The following SYNE2 variants were observed in gnomAD, a reference collection of about 807,000 sequenced individuals.
The protein encoded by SYNE2 is spectrin repeat containing nuclear envelope protein 2.
A neutral mutation model predicts 856.3 loss-of-function variants in SYNE2; 431 were observed. That is an observed-to-expected ratio of 0.50 (90% CI 0.47 to 0.55). The LOEUF is 0.55. Among genes scored for constraint, SYNE2 ranks in the 20% least tolerant of loss-of-function variants. The probability of loss-of-function intolerance (pLI) is 0.00; values close to 1 mark genes in which losing one functional copy is unlikely to be tolerated. For synonymous variants in SYNE2, 2,923 were observed against 2,872.3 expected (o/e 1.02, Z -0.56); for missense variants, 8,129 against 8,023.2 (o/e 1.01, Z -0.50).
At chr14:64,078,317 T>TC in intron 54 of SYNE2, 149 bp from the exon 55 acceptor site, 1 of 772,404 alleles carries the variant, frequency 1.3e-6, no homozygotes, top group South Asian at 1.6e-5. Flanking sequence ...ATCCACCTTC[T>TC]CATTAATGCA....
chr14:64,099,435 A>T (rs527613566), intron 63 of SYNE2: 14 of 170,606 alleles, frequency 8.2e-5, no homozygotes, highest in African/African-American at 3.1e-4. Context: ...ATAGATGGTT[A>T]AATAGCTCCA....
chr14:64,091,646 T>TGTG (rs1257882697), intron 60 of SYNE2, among the ~76,000 whole-genome samples: 15 of 152,290 alleles, frequency 9.8e-5, no homozygotes, highest in South Asian at 8.3e-4. Context: ...GGTTTTGTGT[T>TGTG]GTGGTGGCGG....
intron 99 of SYNE2, chr14:64,190,676 C>G (rs1210934788): frequency 2.2e-5 from 15 of 696,368 alleles, no homozygotes; most frequent in Non-Finnish European, 3.9e-5. Context: ...TACTTGCACT[C>G]AAGGCAGGGG....
intron 34 of SYNE2, among the ~76,000 whole-genome samples, 191 bp from the exon 35 acceptor site, chr14:64,019,801 C>T (rs2096923077): frequency 6.6e-6 from 1 of 152,172 alleles, no homozygotes; most frequent in Admixed American, 6.5e-5. Context: ...TAGAAAGACG[C>T]TTGGTTGTAG....
chr14:64,112,508 G>T (rs1384843341), intron 65 of SYNE2, among the ~76,000 whole-genome samples: 3 of 152,154 alleles, frequency 2.0e-5, no homozygotes, highest in African/African-American at 7.2e-5. Context: ...TTGCCTCCAG[G>T]TTGAACATAT....
rs558289943 is a variant in SYNE2 at position 64,047,563 on chromosome 14, G to C, written c.7222-437G>C. Among the ~76,000 whole-genome samples, 3 of 152,260 alleles carry C rather than the reference G, an allele frequency of 2.0e-5. No individual in the cohort carries two copies. In the South Asian group the frequency reaches 6.2e-4, roughly 32 times the overall value. On this transcript the variant is annotated intron_variant, in intron 45 of 115. Coordinates refer to ENST00000555002, the MANE Select transcript of SYNE2 (RefSeq NM_182914.3). ...CTTGCCCCTATCTGTCTAGGCATTTGGCTGCCTCCTGTTGCTATAATTAAT... is the reference window on the plus strand; with the variant it reads ...CTTGCCCCTATCTGTCTAGGCATTTCGCTGCCTCCTGTTGCTATAATTAAT...
chr14:64,116,861 A>G (rs1369933407), intron 66 of SYNE2, among the ~76,000 whole-genome samples: 1 of 152,238 alleles, frequency 6.6e-6, no homozygotes, highest in Non-Finnish European at 1.5e-5. Context: ...ATCAACTTGT[A>G]GCTGTTAAAA....
chr14:63,768,338 C>T (rs971195652), intron 1 of SYNE2, among the ~76,000 whole-genome samples: 5 of 152,112 alleles, frequency 3.3e-5, no homozygotes, highest in African/African-American at 2.4e-5. Context: ...CAGTAAAAAA[C>T]GTCAGTTAGC....
chr14:64,051,468 G>C (rs1290289035), intron 47 of SYNE2, 89 bp from the exon 48 acceptor site: 3 of 1,253,366 alleles, frequency 2.4e-6, no homozygotes, highest in Non-Finnish European at 3.3e-6. Context: ...ATTTAGAGCA[G>C]AATTAATTTC....
At chr14:63,940,070 A>ATTT (rs10666086) in intron 2 of SYNE2, among the ~76,000 whole-genome samples, 67,747 of 128,966 alleles carry the variant, frequency 0.53, 18,566 homozygotes, top group South Asian at 0.61. Flanking sequence ...GTCTCAGTTC[A>ATTT]TTTTTTTTTT....
chr14:63,950,147 A>G (rs531384309), intron 7 of SYNE2, 141 bp downstream of exon 7: 2 of 1,004,978 alleles, frequency 2.0e-6, no homozygotes, highest in South Asian at 2.7e-5. Context: ...CATACGTGGA[A>G]GCCCAAGAGC....
At chr14:63,803,484 C>T (rs1384626986) in intron 1 of SYNE2, among the ~76,000 whole-genome samples, 1 of 152,242 alleles carries the variant, frequency 6.6e-6, no homozygotes, top group African/African-American at 2.4e-5. Flanking sequence ...GGACCCAGTA[C>T]ACCCTCCGCA....
chr14:63,866,967 G>GA (rs201827931), intron 1 of SYNE2, among the ~76,000 whole-genome samples: 2,905 of 152,162 alleles, frequency 0.019, 40 homozygotes, highest in Middle Eastern at 0.034. Flanking sequence ...AACAAAAAAA[G>GA]AAAAAATTGT....
intron 2 of SYNE2, among the ~76,000 whole-genome samples, chr14:63,911,122 C>A (rs574496459): frequency 6.6e-6 from 1 of 152,254 alleles, no homozygotes; most frequent in East Asian, 1.9e-4. Context: ...GCACTCTGTG[C>A]TCCAACCCCA....
intron 1 of SYNE2, among the ~76,000 whole-genome samples, chr14:63,816,121 G>A (rs148329782): frequency 6.6e-6 from 1 of 151,814 alleles, no homozygotes; most frequent in East Asian, 1.9e-4. Context: ...GCTAATTTTT[G>A]TATTTTTAGT....
intron 66 of SYNE2, 149 bp downstream of exon 66, chr14:64,113,720 A>G (rs1013992506): frequency 5.8e-6 from 5 of 862,306 alleles, no homozygotes; most frequent in African/African-American, 1.7e-5. Context: ...TCTCAGGGTA[A>G]TTCTTTGAAA....
At chr14:63,811,025 T>C (rs1170079806) in intron 1 of SYNE2, among the ~76,000 whole-genome samples, 2 of 152,024 alleles carry the variant, frequency 1.3e-5, no homozygotes, top group African/African-American at 2.4e-5. Flanking sequence ...TTAGTAGAGA[T>C]GGGGTTTCAC....
chr14:64,123,574 C>T (rs1249967496), intron 70 of SYNE2, among the ~76,000 whole-genome samples: 1 of 152,208 alleles, frequency 6.6e-6, no homozygotes, highest in Non-Finnish European at 1.5e-5. Flanking sequence ...GAACTCCACT[C>T]ATTATTAGTT....
intron 2 of SYNE2, among the ~76,000 whole-genome samples, chr14:63,923,981 T>A (rs896489070): frequency 1.3e-5 from 2 of 151,858 alleles, no homozygotes; most frequent in Admixed American, 1.3e-4. Context: ...TGTTTTTTTT[T>A]ATTTTTGTAG....
Sources: allele counts gnomAD v4.1 joint callset (sites outside exome capture counted in the v4.1 genomes callset), GRCh38; gene constraint gnomAD v4.1.1; transcripts MANE v1.5; gene names NCBI Gene and HGNC (gene_info 2026-07-23, HGNC 2026-07-21).